UTS2: variants seen among roughly 807,000 people sequenced by gnomAD.
UTS2 encodes the protein urotensin-2.
UTS2 carries 10 observed loss-of-function variants against 12.6 expected under a neutral mutation model. The observed-to-expected ratio is 0.80, with a 90% CI of 0.49 to 1.35. The LOEUF (loss-of-function observed/expected upper bound fraction) is 1.35. Among genes scored for constraint, UTS2 ranks in the 40% most tolerant of loss-of-function variants. UTS2 has a pLI of 0.00. For synonymous variants in UTS2, 52 were observed against 50.0 expected, an observed-to-expected ratio of 1.04 and a Z score of -0.17; for missense variants, 142 against 143.2, an observed-to-expected ratio of 0.99 and a Z score of 0.04.
chr1:7,894,624 C>T, the UTS2 span, among the ~76,000 whole-genome samples: 3 of 152,116 alleles, frequency 2.0e-5, no homozygotes, highest in Non-Finnish European at 4.4e-5. Context: ...TAATGAATTC[C>T]CGTGTCATTC....
At chr1:7,878,215 CTT>C in the UTS2 span, among the ~76,000 whole-genome samples, 1 of 152,196 alleles carries the variant, frequency 6.6e-6, no homozygotes, top group African/African-American at 2.4e-5. Flanking sequence ...GAAAAAACGT[CTT>C]TCCCAGATAA....
At chr1:7,873,930 T>A in the UTS2 span, among the ~76,000 whole-genome samples, 77 of 152,212 alleles carry the variant, frequency 5.1e-4, no homozygotes, top group African/African-American at 1.7e-3. Flanking sequence ...ATTTTTTTTT[T>A]AATTGTGAAT....
chr1:7,861,662 C>A, the UTS2 span, among the ~76,000 whole-genome samples: 2 of 152,130 alleles, frequency 1.3e-5, no homozygotes, highest in Non-Finnish European at 2.9e-5. Flanking sequence ...CCGAGCCTGG[C>A]CCCAGGTAGC....
At chr1:7,849,559 T>C (rs1275867963) in intron 3 of UTS2, 81 bp downstream of exon 3, 1 of 1,266,920 alleles carries the variant, frequency 7.9e-7, no homozygotes, top group Non-Finnish European at 1.1e-6. Context: ...AACACTCCTC[T>C]AGTTCATGAA....
At chr1:7,910,824 C>T in the UTS2 span, among the ~76,000 whole-genome samples, 1 of 152,178 alleles carries the variant, frequency 6.6e-6, no homozygotes, top group Admixed American at 6.5e-5. Context: ...GCAGCCTCAA[C>T]CTCCTGGGCT....
chr1:7,869,155 G>A, the UTS2 span, among the ~76,000 whole-genome samples: 1 of 152,234 alleles, frequency 6.6e-6, no homozygotes, highest in East Asian at 1.9e-4. Context: ...GGCAGAGGCT[G>A]CCCAAGGTGG....
chr1:7,890,973 C>CCCCG, the UTS2 span, among the ~76,000 whole-genome samples: 5 of 150,210 alleles, frequency 3.3e-5, no homozygotes, highest in Non-Finnish European at 7.4e-5. Context: ...CTCCACCCCC[C>CCCCG]CCCACAAAAC....
At chr1:7,875,393 T>C in the UTS2 span, among the ~76,000 whole-genome samples, 1 of 152,264 alleles carries the variant, frequency 6.6e-6, no homozygotes, top group Non-Finnish European at 1.5e-5. Flanking sequence ...TATTTCTTTA[T>C]AGCAGTGTGA....
the UTS2 span, among the ~76,000 whole-genome samples, chr1:7,889,313 G>C: frequency 1.3e-5 from 2 of 149,636 alleles, no homozygotes; most frequent in Non-Finnish European, 3.0e-5. Flanking sequence ...ATGGTGGCGT[G>C]AGCCTGTGGT....
chr1:7,874,629 G>A, the UTS2 span, among the ~76,000 whole-genome samples: 1 of 152,200 alleles, frequency 6.6e-6, no homozygotes, highest in Non-Finnish European at 1.5e-5. Context: ...AGAGCTGCCC[G>A]CCTGGGACCA....
At chr1:7,854,349 A>T (rs1638255214), upstream of UTS2, among the ~76,000 whole-genome samples, 1 of 137,272 alleles carries the variant, frequency 7.3e-6, no homozygotes, top group Admixed American at 7.2e-5. Context: ...GTCTAAAAAA[A>T]AAAAAAAAGA....
At chr1:7,904,017 A>C in the UTS2 span, among the ~76,000 whole-genome samples, 1 of 152,204 alleles carries the variant, frequency 6.6e-6, no homozygotes, top group Admixed American at 6.5e-5. Context: ...TAACTGCTAA[A>C]GTTAGAATTT....
Position 7,852,909 on chromosome 1 carries a change from T to G in UTS2, c.95A>C (p.Gln32Pro). The G allele has an allele frequency of 6.2e-7, 1 of 1,604,096 alleles. No homozygotes were observed. Among genetic ancestry groups the G allele is most frequent in the South Asian group, 1.1e-5 (1 of 88,380 alleles). The change falls in exon 1 of 4, where the codon CAA becomes CCA. Residue 32 changes from glutamine to proline, a missense_variant. Physicochemically the swap from Gln to Pro is moderately conservative, Grantham distance 76. Transcript: ENST00000361696. ...PLLDSREISFQLSAPHEDARL... is the reference protein window; with the variant it reads ...PLLDSREISFPLSAPHEDARL... ...GAAAAAAAAAATCTTACCTGAGAGT[T>G]GAAAGGATATTTCCCTGGAGTCAAG...
chr1:7,849,023 C>T (rs942083635), intron 3 of UTS2, among the ~76,000 whole-genome samples: 5 of 151,984 alleles, frequency 3.3e-5, no homozygotes, highest in Admixed American at 6.6e-5. Context: ...GGCGGTGGGC[C>T]GCATGTTAGA....
chr1:7,892,948 G>A, the UTS2 span, among the ~76,000 whole-genome samples: 2 of 152,076 alleles, frequency 1.3e-5, no homozygotes, highest in African/African-American at 2.4e-5. Flanking sequence ...CATAGGACAC[G>A]GACATCTTTA....
At chr1:7,887,592 C>CAAAAAAA in the UTS2 span, among the ~76,000 whole-genome samples, 6 of 62,438 alleles carry the variant, frequency 9.6e-5, no homozygotes, top group Admixed American at 2.0e-4. Flanking sequence ...CCAGTCTCTA[C>CAAAAAAA]AAAAAAAAAA....
chr1:7,913,163 T>A, the UTS2 span, among the ~76,000 whole-genome samples: 3 of 151,594 alleles, frequency 2.0e-5, no homozygotes, highest in African/African-American at 7.3e-5. Flanking sequence ...ACGTGAGAGA[T>A]ATGGGACTCT....
At chr1:7,904,751 A>G in the UTS2 span, among the ~76,000 whole-genome samples, 1 of 151,970 alleles carries the variant, frequency 6.6e-6, no homozygotes. Flanking sequence ...CTAAAAATAT[A>G]AAAATTAGCC....
the UTS2 span, among the ~76,000 whole-genome samples, chr1:7,869,340 G>T: frequency 1.3e-5 from 2 of 152,206 alleles, no homozygotes; most frequent in East Asian, 3.8e-4. Context: ...CGGCGGCTGG[G>T]GTACCGCCAC....
Sources: allele counts gnomAD v4.1 joint callset (sites outside exome capture counted in the v4.1 genomes callset), GRCh38; gene constraint gnomAD v4.1.1; transcripts MANE v1.5; gene names NCBI Gene and HGNC (gene_info 2026-07-23, HGNC 2026-07-21).